Variants in SNTG1 observed in about 807,000 individuals in gnomAD.
SNTG1 encodes the protein syntrophin gamma 1.
A neutral mutation model predicts 74.7 loss-of-function variants in SNTG1; 39 were observed. That is an observed-to-expected ratio of 0.52 (90% CI 0.40 to 0.68). SNTG1 has a LOEUF of 0.68. SNTG1 is among the 30% of genes least tolerant of loss of function. The pLI is 0.00. For synonymous variants in SNTG1, 254 were observed against 217.1 expected, an observed-to-expected ratio of 1.17 and a Z score of -1.49; for missense variants, 685 against 609.5, an observed-to-expected ratio of 1.12 and a Z score of -1.30.
At position 50,120,958 on chromosome 8, in the gene SNTG1, T is replaced by C. The variant is rs1338674868; in HGVS notation, c.-102-51603T>C. ...GCCATAACTTCGCATAAACGTATCG[T>C]AGGACAATCTGACTTATAGGAAACA... On this transcript the variant is annotated intron_variant, in intron 1 of 18. Coordinates refer to ENST00000642720, the MANE Select transcript of SNTG1 (RefSeq NM_018967.5). Among the ~76,000 whole-genome samples, 2 of 141,928 alleles carry C rather than the reference T, an allele frequency of 1.4e-5. 1 individual carries two copies. Among genetic ancestry groups the C allele is most frequent in the Non-Finnish European group, 3.1e-5 (2 of 63,800 alleles). The allele number at this position is 141,928 out of a possible 152,430, so 93.1% of individuals were successfully genotyped here. A position where few individuals can be genotyped will look rare whatever the true frequency, so the allele number is the denominator to read the frequency against.
chr8:50,678,582 C>A lies in SNTG1; in HGVS notation c.1038+19919C>A, dbSNP rs575157203. On this transcript the variant is annotated intron_variant, in intron 15 of 18. Coordinates refer to ENST00000642720, the MANE Select transcript of SNTG1 (RefSeq NM_018967.5). ...CTTGATTTACTAACCGTAAGTTATA[C>A]AATTTCATTTTTATTTGTTTTTGCC... is the stretch of plus-strand genomic sequence containing the variant. 3.3e-5 allele frequency among the ~76,000 whole-genome samples: 5 copies of A among 152,036 alleles called. No homozygotes were observed. The South Asian group carries it at 8.3e-4, about 25-fold the overall frequency.
chr8:50,417,523 G>T (rs2093029898), intron 4 of SNTG1, among the ~76,000 whole-genome samples: 1 of 152,110 alleles, frequency 6.6e-6, no homozygotes, highest in Admixed American at 6.6e-5. Flanking sequence ...TAACAGTGGA[G>T]ATGTTATATA....
chr8:50,443,470 A>G (rs1454931590), intron 5 of SNTG1, among the ~76,000 whole-genome samples: 1 of 152,158 alleles, frequency 6.6e-6, no homozygotes, highest in African/African-American at 2.4e-5. Flanking sequence ...TAGAATTATA[A>G]TCATTATTAC....
chr8:50,395,798 A>C (rs949671581), intron 3 of SNTG1, among the ~76,000 whole-genome samples: 11 of 152,200 alleles, frequency 7.2e-5, no homozygotes, highest in African/African-American at 2.2e-4. Flanking sequence ...GGCGTGAGCC[A>C]CTGTGCCCGG....
At chr8:50,597,626 A>T (rs1207296654) in intron 13 of SNTG1, among the ~76,000 whole-genome samples, 1 of 151,828 alleles carries the variant, frequency 6.6e-6, no homozygotes, top group Non-Finnish European at 1.5e-5. Context: ...TTGAGGAACC[A>T]CCATACTGTT....
intron 9 of SNTG1, among the ~76,000 whole-genome samples, chr8:50,513,627 C>A (rs2094105571): frequency 6.6e-6 from 1 of 152,208 alleles, no homozygotes; most frequent in Non-Finnish European, 1.5e-5. Context: ...GGATGCCCCT[C>A]CCCAGCCTCA....
chr8:50,116,532 C>T (rs1189913135), intron 1 of SNTG1, among the ~76,000 whole-genome samples: 2 of 152,174 alleles, frequency 1.3e-5, no homozygotes, highest in African/African-American at 4.8e-5. Context: ...ACCCACTTCT[C>T]CATCCTCAGT....
In SNTG1 at chr8:50,402,894, C is replaced by T. The variant is rs139726689; in HGVS notation, c.162+550C>T. 2.7e-3 allele frequency among the ~76,000 whole-genome samples: 410 copies of T among 152,322 alleles called. 2 individuals carry two copies. Among genetic ancestry groups the T allele is most frequent in the African/African-American group, 9.3e-3 (388 of 41,576 alleles). ...TCTCCAATGCTCCAACCCATTGACA[C>T]ATTACACTGCTCCTAATCTAACTTC... On this transcript the variant is annotated intron_variant, in intron 4 of 18. Transcript: ENST00000642720.
intron 2 of SNTG1, among the ~76,000 whole-genome samples, chr8:50,310,568 A>T (rs533376008): frequency 2.6e-5 from 4 of 152,208 alleles, no homozygotes; most frequent in African/African-American, 7.2e-5. Flanking sequence ...CATGCCTGTA[A>T]TCCCAGCCAC....
chr8:50,388,860 G>A (rs1281898216), intron 2 of SNTG1, among the ~76,000 whole-genome samples: 1 of 152,060 alleles, frequency 6.6e-6, no homozygotes, highest in Non-Finnish European at 1.5e-5. Context: ...TAAATGGCTG[G>A]GCTCTGTAGC....
intron 13 of SNTG1, among the ~76,000 whole-genome samples, chr8:50,632,569 C>A (rs147979792): frequency 6.6e-6 from 1 of 152,000 alleles, no homozygotes; most frequent in African/African-American, 2.4e-5. Context: ...CTTGGCCTCC[C>A]AAAGTGCTGA....
intron 17 of SNTG1, 56 bp downstream of exon 17, chr8:50,709,034 T>A (rs1371129841): frequency 1.6e-6 from 2 of 1,254,774 alleles, no homozygotes; most frequent in Admixed American, 3.4e-5. Flanking sequence ...AATTGAAGAA[T>A]GATTTAAATG....
chr8:50,082,612 A>G (rs986328008), intron 1 of SNTG1, among the ~76,000 whole-genome samples: 3 of 152,168 alleles, frequency 2.0e-5, no homozygotes, highest in African/African-American at 7.2e-5. Context: ...TGAGCCAGTA[A>G]ACTTCCTATT....
chr8:50,212,236 C>T (rs961516044), intron 2 of SNTG1, among the ~76,000 whole-genome samples: 3 of 152,080 alleles, frequency 2.0e-5, no homozygotes, highest in Non-Finnish European at 4.4e-5. Context: ...AGCTCTGTTG[C>T]CTGGGCAACA....
chr8:50,774,288 T>C (rs1036047977), intron 18 of SNTG1, among the ~76,000 whole-genome samples: 2 of 151,756 alleles, frequency 1.3e-5, no homozygotes, highest in African/African-American at 4.8e-5. Flanking sequence ...CCATGTAGAA[T>C]AAAAACAAAA....
chr8:50,716,227 T>A (rs2095474623), intron 17 of SNTG1, among the ~76,000 whole-genome samples: 1 of 152,122 alleles, frequency 6.6e-6, no homozygotes, highest in Non-Finnish European at 1.5e-5. Flanking sequence ...TATGTTATTA[T>A]TCCATAATCT....
intron 15 of SNTG1, among the ~76,000 whole-genome samples, chr8:50,691,239 C>T (rs1420581438): frequency 2.6e-5 from 4 of 152,076 alleles, no homozygotes; most frequent in African/African-American, 9.7e-5. Flanking sequence ...GAGCATTTAG[C>T]CCATTTACAT....
At chr8:50,195,887 T>C (rs1316677402) in intron 2 of SNTG1, among the ~76,000 whole-genome samples, 2 of 152,118 alleles carry the variant, frequency 1.3e-5, no homozygotes, top group Admixed American at 6.6e-5. Flanking sequence ...AAATTCACAA[T>C]GAGAGTTTGC....
At chr8:50,691,865 C>A (rs1343513158) in intron 15 of SNTG1, among the ~76,000 whole-genome samples, 2 of 152,168 alleles carry the variant, frequency 1.3e-5, no homozygotes, top group Non-Finnish European at 2.9e-5. Context: ...GTTCCATTCT[C>A]CCTGTCACTT....
Sources: allele counts gnomAD v4.1 joint callset (sites outside exome capture counted in the v4.1 genomes callset), GRCh38; gene constraint gnomAD v4.1.1; transcripts MANE v1.5; gene names NCBI Gene and HGNC (gene_info 2026-07-23, HGNC 2026-07-21).